Variants in ANAPC1 observed in about 807,000 individuals in gnomAD.
The protein encoded by ANAPC1 is anaphase-promoting complex subunit 1.
Under a neutral mutation model 208.0 loss-of-function variants are expected in ANAPC1, and 36 were observed. The observed-to-expected ratio is 0.17, with a 90% confidence interval of 0.13 to 0.23. ANAPC1 has a LOEUF of 0.23. ANAPC1 is among the 10% of genes least tolerant of loss of function. The pLI is 1.00. For missense variants in ANAPC1, 942 were observed against 2,011.6 expected (o/e 0.47, Z 10.17); for synonymous variants, 378 against 695.2 (o/e 0.54, Z 7.18).
intron 19 of ANAPC1, among the ~76,000 whole-genome samples, chr2:111,834,359 T>G (rs1573423064): frequency 1.3e-5 from 2 of 152,188 alleles, no homozygotes; most frequent in Admixed American, 1.3e-4. Context: ...GAGCAGGTCA[T>G]CTCCATTTTT....
chr2:111,811,737 AT>A (rs1679010906), intron 28 of ANAPC1, among the ~76,000 whole-genome samples: 1 of 149,676 alleles, frequency 6.7e-6, no homozygotes, highest in African/African-American at 2.5e-5. Flanking sequence ...GCTGGGGAAA[AT>A]AACAACTATA....
intron 34 of ANAPC1, among the ~76,000 whole-genome samples, chr2:111,798,503 T>C (rs2104550098): frequency 6.6e-6 from 1 of 151,920 alleles, no homozygotes; most frequent in East Asian, 2.0e-4. Context: ...AAAATTACTT[T>C]GAAATGAATT....
At chr2:111,795,034 A>G (rs921803096) in intron 34 of ANAPC1, 140 bp from the exon 35 acceptor site, 6 of 918,468 alleles carry the variant, frequency 6.5e-6, no homozygotes, top group South Asian at 3.5e-5. Context: ...TCAAAAGCCT[A>G]TATTTTAATC....
chr2:111,830,860 A>G (rs1680090441), intron 21 of ANAPC1, among the ~76,000 whole-genome samples: 1 of 152,228 alleles, frequency 6.6e-6, no homozygotes, highest in Non-Finnish European at 1.5e-5. Flanking sequence ...ATATAAACTT[A>G]ACTATATGAC....
chr2:111,882,985 G>GTGAAA (rs1683393157), intron 1 of ANAPC1, among the ~76,000 whole-genome samples: 1 of 151,572 alleles, frequency 6.6e-6, no homozygotes, highest in Admixed American at 6.6e-5. Flanking sequence ...GGCCAAGATG[G>GTGAAA]TGAAACCCCA....
At chr2:111,849,591 C>A (rs984475966) in intron 14 of ANAPC1, among the ~76,000 whole-genome samples, 3 of 152,220 alleles carry the variant, frequency 2.0e-5, no homozygotes, top group Admixed American at 6.5e-5. Context: ...AATCCAGGTA[C>A]CTTCCCAGGT....
At chr2:111,796,606 T>C (rs1678179293) in intron 34 of ANAPC1, among the ~76,000 whole-genome samples, 1 of 149,222 alleles carries the variant, frequency 6.7e-6, no homozygotes, top group East Asian at 2.0e-4. Context: ...GCTAGGATTA[T>C]AGGCGTGAGT....
chr2:111,824,939 G>C (rs1163343202), intron 24 of ANAPC1, 27 bp downstream of exon 24: 12 of 1,613,296 alleles, frequency 7.4e-6, no homozygotes, highest in East Asian at 2.2e-5. Context: ...GCACGGCCTA[G>C]TTAGGAGGTA....
At chr2:111,796,247 AAAAT>A (rs1374580150) in intron 34 of ANAPC1, among the ~76,000 whole-genome samples, 1 of 150,170 alleles carries the variant, frequency 6.7e-6, no homozygotes, top group Admixed American at 6.6e-5. Context: ...AAAATAAAAT[AAAAT>A]AAATAAATAT....
At chr2:111,826,973 G>A (rs932715934) in intron 21 of ANAPC1, among the ~76,000 whole-genome samples, 5 of 152,018 alleles carry the variant, frequency 3.3e-5, no homozygotes, top group Admixed American at 1.3e-4. Context: ...ACATACATGC[G>A]GGTCTTTATG....
chr2:111,788,073 T>C (rs961094143), intron 39 of ANAPC1, among the ~76,000 whole-genome samples, 161 bp downstream of exon 39: 4 of 151,906 alleles, frequency 2.6e-5, no homozygotes, highest in Non-Finnish European at 5.9e-5. Flanking sequence ...TCTAATACTT[T>C]GTGAGATAAT....
chr2:111,795,250 C>T (rs529383909), intron 34 of ANAPC1, among the ~76,000 whole-genome samples: 602 of 152,122 alleles, frequency 4.0e-3, no homozygotes, highest in African/African-American at 0.013. Context: ...GGCGTGGTGG[C>T]GCACGCCTGT....
At chr2:111,773,875 G>C (rs530527236) in intron 46 of ANAPC1, among the ~76,000 whole-genome samples, 24 of 151,990 alleles carry the variant, frequency 1.6e-4, no homozygotes, top group African/African-American at 5.6e-4. Flanking sequence ...GTGCCACACA[G>C]TAGGGATTTC....
intron 13 of ANAPC1, among the ~76,000 whole-genome samples, chr2:111,854,998 C>G (rs146650813): frequency 0.019 from 2,896 of 152,308 alleles, 79 homozygotes; most frequent in African/African-American, 0.066. Flanking sequence ...ACACGCCTTC[C>G]TCACTAAGCT....
intron 43 of ANAPC1, among the ~76,000 whole-genome samples, chr2:111,781,803 C>T (rs1677294213): frequency 6.6e-6 from 1 of 152,264 alleles, no homozygotes. Context: ...TGTGCTGACC[C>T]CGCCGTGGGA....
rs1679852410 is a variant in ANAPC1 at position 111,826,669 on chromosome 2, T to TA, written c.2626-815_2626-814insT. ...AGCTGCTTTATTTATTTATTTATTT[T>TA]TTTTTTTTTTGAGACGGAGTCTCAC... On this transcript the variant is annotated intron_variant, in intron 21 of 47. Coordinates refer to ENST00000341068, the MANE Select transcript of ANAPC1 (RefSeq NM_022662.4). Among the ~76,000 whole-genome samples, 15 of 134,176 alleles carry TA rather than the reference T, an allele frequency of 1.1e-4. No homozygotes were observed. The South Asian group carries it at 3.6e-3, about 33-fold the overall frequency. The allele number at this position is 134,176 out of a possible 152,430, so 88.0% of individuals were successfully genotyped here.
chr2:111,847,476 T>A (rs1248214190), intron 15 of ANAPC1, among the ~76,000 whole-genome samples: 1 of 152,150 alleles, frequency 6.6e-6, no homozygotes, highest in Non-Finnish European at 1.5e-5. Context: ...AGACAAAAAA[T>A]CACATCAATA....
At chr2:111,840,184 G>C (rs1680686029) in intron 17 of ANAPC1, among the ~76,000 whole-genome samples, 1 of 146,744 alleles carries the variant, frequency 6.8e-6, no homozygotes, top group Non-Finnish European at 1.5e-5. Flanking sequence ...TAACACATCA[G>C]CAAATTAAAG....
At chr2:111,871,842 G>T (rs1682765389) in intron 6 of ANAPC1, among the ~76,000 whole-genome samples, 1 of 152,190 alleles carries the variant, frequency 6.6e-6, no homozygotes, top group Admixed American at 6.5e-5. Context: ...CATTGATTTT[G>T]TAATCTGAGA....
Sources: gnomAD v4.1 joint callset for allele counts (sites outside exome capture counted in the v4.1 genomes callset) on GRCh38, gnomAD v4.1.1 for gene constraint, MANE v1.5 for transcripts, NCBI Gene and HGNC (gene_info 2026-07-23, HGNC 2026-07-21) for gene names.